The following PIEZO2 variants were observed in gnomAD, a reference collection of about 807,000 sequenced individuals.
PIEZO2 encodes the protein piezo type mechanosensitive ion channel component 2, also known as piezo-type mechanosensitive ion channel component 2.
In PIEZO2, 172 loss-of-function variants were observed where a neutral mutation model predicts 337.3. The observed-to-expected ratio is 0.51, with a 90% CI of 0.45 to 0.58. The LOEUF is 0.58. PIEZO2 is among the 20% of genes least tolerant of loss of function. The pLI, the probability that PIEZO2 is intolerant of heterozygous loss-of-function variation, is 0.00. For synonymous variants in PIEZO2, 1,251 were observed against 1,228.5 expected (o/e 1.02, Z -0.38); for missense variants, 3,028 against 3,391.3 (o/e 0.89, Z 2.66).
chr18:11,087,759 C>T (rs2038956538), intron 1 of PIEZO2, among the ~76,000 whole-genome samples: 1 of 152,244 alleles, frequency 6.6e-6, no homozygotes, highest in South Asian at 2.1e-4. Context: ...ACGTTTTCAA[C>T]TTTCTCCAAG....
At chr18:10,874,024 G>A (rs914865564) in intron 4 of PIEZO2, among the ~76,000 whole-genome samples, 5 of 152,070 alleles carry the variant, frequency 3.3e-5, no homozygotes, top group Admixed American at 2.6e-4. Flanking sequence ...TCAACAGAGT[G>A]GAAAGACAAC....
At chr18:11,072,860 C>G (rs918709484) in intron 1 of PIEZO2, among the ~76,000 whole-genome samples, 2 of 152,188 alleles carry the variant, frequency 1.3e-5, no homozygotes, top group African/African-American at 4.8e-5. Context: ...GCTAGGATTA[C>G]AGGTATAAGC....
At chr18:10,808,264 T>A (rs1473769509) in intron 7 of PIEZO2, among the ~76,000 whole-genome samples, 2 of 152,126 alleles carry the variant, frequency 1.3e-5, no homozygotes, top group Non-Finnish European at 2.9e-5. Context: ...ATTATTTTTT[T>A]AATTACTTGT....
intron 1 of PIEZO2, among the ~76,000 whole-genome samples, chr18:11,075,790 T>C (rs1363108263): frequency 7.9e-5 from 4 of 50,764 alleles, no homozygotes; most frequent in Non-Finnish European, 1.6e-4. Context: ...ATATTTCTTT[T>C]TTTTTTTTTT....
intron 29 of PIEZO2, among the ~76,000 whole-genome samples, chr18:10,749,787 C>A (rs2037576463): frequency 6.6e-6 from 1 of 152,200 alleles, no homozygotes; most frequent in South Asian, 2.1e-4. Flanking sequence ...CTTCTAGAAT[C>A]CTTCCTAATC....
At position 10,813,645 on chromosome 18, in the gene PIEZO2, G is replaced by C. The variant is rs1022747786; in HGVS notation, c.918-6371C>G. Among the ~76,000 whole-genome samples, 1 of 152,096 alleles carries C rather than the reference G, an allele frequency of 6.6e-6. No homozygotes were observed. Among genetic ancestry groups the C allele is most frequent in the African/African-American group, 2.4e-5 (1 of 41,404 alleles). ...GTATGTCCCATTTGTTAATTCATCT[G>C]TTGATGGCACTTCCACCTTCTGACT... On this transcript the variant is annotated intron_variant, in intron 7 of 55. Coordinates refer to ENST00000674853, the MANE Select transcript of PIEZO2 (RefSeq NM_001378183.1). The surrounding 1 kb of genome is among the most constrained non-coding windows in gnomAD (Gnocchi z 4.2).
rs911164702 is a variant in PIEZO2, at chr18:10,795,330, T to C, written c.1528-328A>G. On this transcript the variant is annotated intron_variant, in intron 12 of 55. Coordinates refer to ENST00000674853, the MANE Select transcript of PIEZO2 (RefSeq NM_001378183.1). This position sits in a 1 kb window ranked among gnomAD's most constrained non-coding sequence, Gnocchi z 4.4. ...TGTATTCAAATATTTTATTTTATTT[T>C]ATTTTATTTTATTTTATTTTATTAT... is the stretch of plus-strand genomic sequence containing the variant. 0.12 allele frequency among the ~76,000 whole-genome samples: 1,922 copies of C among 16,692 alleles called. 51 individuals carry two copies. Among genetic ancestry groups the C allele is most frequent in the African/African-American group, 0.21 (1,805 of 8,578 alleles). The allele number at this position is 16,692 out of a possible 152,430, so 11.0% of individuals were successfully genotyped here.
chr18:11,008,008 C>T (rs1316853059), intron 2 of PIEZO2, among the ~76,000 whole-genome samples: 1 of 152,102 alleles, frequency 6.6e-6, no homozygotes, highest in Non-Finnish European at 1.5e-5. Context: ...TGGCTTCCAA[C>T]CTCCTTCAAA....
In PIEZO2 at chr18:11,132,336, T is replaced by A. The variant is rs2040363797; in HGVS notation, c.64+16189A>T. ...GCAGGCTCATGCTCATGGAATCCAATGTGCTCTTACTATATTCCCCATCAT... is the reference window on the plus strand; with the variant it reads ...GCAGGCTCATGCTCATGGAATCCAAAGTGCTCTTACTATATTCCCCATCAT... On this transcript the variant is annotated intron_variant, in intron 1 of 55. Transcript: ENST00000674853. This position sits in a 1 kb window ranked among gnomAD's most constrained non-coding sequence, Gnocchi z 4.7. Among the ~76,000 whole-genome samples the A allele has an allele frequency of 6.6e-6, 1 of 152,222 alleles. No individual in the cohort carries two copies. Among genetic ancestry groups the A allele is most frequent in the South Asian group, 2.1e-4 (1 of 4,834 alleles).
At position 11,066,235 on chromosome 18, in the gene PIEZO2, AG is replaced by A; in HGVS notation, c.65-14del. The A allele has an allele frequency of 1.3e-6, 2 of 1,523,994 alleles. No homozygotes were observed. The highest frequency in any genetic ancestry group is 1.8e-6 in the Non-Finnish European group (2 of 1,135,430). The allele number at this position is 1,523,994 out of a possible 1,614,324, so 94.4% of individuals were successfully genotyped here. A position where few individuals can be genotyped will look rare whatever the true frequency, so the allele number is the denominator to read the frequency against. On this transcript the variant is annotated splice_polypyrimidine_tract_variant and intron_variant, in intron 1 of 55. Transcript: ENST00000674853. The stretch of plus-strand genomic sequence containing the variant: ...CGGAATGCACATGCTGTGGGTGGGA[AG>A]AGAGAAGAGAGTGAGAAGATCATTA...
Position 10,672,313 on chromosome 18 carries a change from G to A in PIEZO2, c.8345+377C>T, listed in dbSNP as rs1046640213. ...GGATTTAAGCATCAGAACATGATGC[G>A]ATGTTTCAGAAGTTCAAAAGCAGGA... is the stretch of plus-strand genomic sequence containing the variant. On this transcript the variant is annotated intron_variant, in intron 55 of 55. Transcript: ENST00000674853. This position sits in a 1 kb window ranked among gnomAD's most constrained non-coding sequence, Gnocchi z 4.7. Among the ~76,000 whole-genome samples the A allele has an allele frequency of 2.0e-5, 3 of 152,126 alleles. No homozygotes were observed. The highest frequency in any genetic ancestry group is 4.8e-5 in the African/African-American group (2 of 41,426).
chr18:10,945,593 T>C lies in PIEZO2; in HGVS notation c.286+33942A>G, dbSNP rs1568226462. On this transcript the variant is annotated intron_variant, in intron 3 of 55. Transcript: ENST00000674853. This position sits in a 1 kb window ranked among gnomAD's most constrained non-coding sequence, Gnocchi z 4.0. ...CCAAGCTTAAAAATATGTATAGGAATATAAAAATGTCTAGCACCCAACAAG... is the reference window on the plus strand; with the variant it reads ...CCAAGCTTAAAAATATGTATAGGAACATAAAAATGTCTAGCACCCAACAAG... 6.6e-6 allele frequency among the ~76,000 whole-genome samples: 1 copy of C among 151,942 alleles called. No individual in the cohort carries two copies. Among genetic ancestry groups the C allele is most frequent in the Non-Finnish European group, 1.5e-5 (1 of 67,998 alleles).
intron 39 of PIEZO2, among the ~76,000 whole-genome samples, chr18:10,708,979 C>T (rs576265768): frequency 2.0e-4 from 31 of 152,172 alleles, no homozygotes; most frequent in African/African-American, 6.7e-4. Context: ...TTTTGCACCC[C>T]ATTTTTGGAG....
chr18:10,722,149 CAAAAAAAA>C (rs57201451), intron 36 of PIEZO2, among the ~76,000 whole-genome samples: 1 of 125,402 alleles, frequency 8.0e-6, no homozygotes, highest in Non-Finnish European at 1.7e-5. Flanking sequence ...GACTCCATCT[CAAAAAAAA>C]AAAAAAAAAT....
At position 10,713,767 on chromosome 18, in the gene PIEZO2, A is replaced by G. The variant is rs2035907888; in HGVS notation, c.5423+997T>C. On this transcript the variant is annotated intron_variant, in intron 39 of 55. Transcript: ENST00000674853. This position sits in a 1 kb window ranked among gnomAD's most constrained non-coding sequence, Gnocchi z 4.5. ...AAAAACATAAAACATGAATGTTCTC[A>G]GTGATACAATTCTTTACCCATGAAG... 6.6e-6 allele frequency among the ~76,000 whole-genome samples: 1 copy of G among 152,248 alleles called. No homozygotes were observed. Among genetic ancestry groups the G allele is most frequent in the Non-Finnish European group, 1.5e-5 (1 of 68,056 alleles).
chr18:10,997,693 T>C (rs964740003), intron 2 of PIEZO2, among the ~76,000 whole-genome samples: 19 of 152,062 alleles, frequency 1.2e-4, no homozygotes, highest in African/African-American at 4.6e-4. Context: ...TTAGTAATGA[T>C]GAAGAAATTA....
At chr18:10,901,081 T>C (rs1414831503) in intron 4 of PIEZO2, among the ~76,000 whole-genome samples, 6 of 152,232 alleles carry the variant, frequency 3.9e-5, no homozygotes, top group African/African-American at 1.4e-4. Flanking sequence ...ACTAGTCTTA[T>C]CTGAAAGACC....
intron 47 of PIEZO2, 112 bp from the exon 48 acceptor site, chr18:10,691,495 A>G (rs2034825455): frequency 9.0e-7 from 1 of 1,117,208 alleles, no homozygotes; most frequent in Admixed American, 2.4e-5. Flanking sequence ...CATCATTCCA[A>G]CTCAATTCTA....
intron 4 of PIEZO2, among the ~76,000 whole-genome samples, chr18:10,879,391 C>CTTTTTTTTTT (rs11385433): frequency 2.8e-5 from 3 of 106,040 alleles, no homozygotes; most frequent in South Asian, 3.1e-4. Flanking sequence ...CCTTTCCAAT[C>CTTTTTTTTTT]TTTTTTTTTT....
Sources: allele counts gnomAD v4.1 joint callset (sites outside exome capture counted in the v4.1 genomes callset), GRCh38; gene constraint gnomAD v4.1.1; non-coding constraint Gnocchi (gnomAD v3.1); transcripts MANE v1.5; gene names NCBI Gene and HGNC (gene_info 2026-07-23, HGNC 2026-07-21).